Variants in CCSER1 observed in about 807,000 individuals in gnomAD.
CCSER1 encodes coiled-coil serine rich protein 1.
CCSER1 carries 41 observed loss-of-function variants against 82.0 expected under a neutral mutation model. That is an observed-to-expected ratio of 0.50 (90% CI 0.39 to 0.65). The LOEUF is 0.65. Among genes scored for constraint, CCSER1 ranks in the 30% least tolerant of loss-of-function variants. CCSER1 has a pLI of 0.00. For synonymous variants in CCSER1, 414 were observed against 383.9 expected (o/e 1.08, Z -0.92); for missense variants, 1,119 against 1,064.2 (o/e 1.05, Z -0.72).
intron 5 of CCSER1, among the ~76,000 whole-genome samples, chr4:90,533,445 A>AT (rs2153631791): frequency 6.6e-6 from 1 of 152,188 alleles, no homozygotes; most frequent in South Asian, 2.1e-4. Context: ...GCTTCCCATA[A>AT]TTCTCTGATC....
At chr4:91,328,035 A>G (rs957735429) in intron 10 of CCSER1, among the ~76,000 whole-genome samples, 1 of 152,190 alleles carries the variant, frequency 6.6e-6, no homozygotes, top group Non-Finnish European at 1.5e-5. Flanking sequence ...ACCATTCAAC[A>G]GGTCTCTAGA....
chr4:90,446,052 C>A (rs1017602399), intron 4 of CCSER1, among the ~76,000 whole-genome samples: 13 of 152,072 alleles, frequency 8.5e-5, no homozygotes, highest in African/African-American at 3.1e-4. Context: ...TGCTTTTCAC[C>A]AAACACTTCA....
intron 1 of CCSER1, among the ~76,000 whole-genome samples, chr4:90,233,639 A>C (rs912592615): frequency 6.6e-6 from 1 of 151,732 alleles, no homozygotes; most frequent in African/African-American, 2.4e-5. Flanking sequence ...TAAATTAAAA[A>C]AAAAAAACAA....
At chr4:90,649,963 T>C (rs1728413646) in intron 6 of CCSER1, among the ~76,000 whole-genome samples, 1 of 152,042 alleles carries the variant, frequency 6.6e-6, no homozygotes, top group Admixed American at 6.6e-5. Flanking sequence ...TAGCCTGTAA[T>C]CCCAGCACTT....
chr4:90,712,440 T>A (rs921808407), intron 6 of CCSER1, among the ~76,000 whole-genome samples: 5 of 152,126 alleles, frequency 3.3e-5, no homozygotes, highest in African/African-American at 1.2e-4. Context: ...AATTTTGATG[T>A]AATTGTATAG....
chr4:91,280,034 T>C (rs1249772129), intron 10 of CCSER1, among the ~76,000 whole-genome samples: 2 of 152,246 alleles, frequency 1.3e-5, no homozygotes, highest in African/African-American at 2.4e-5. Flanking sequence ...GTGTCTATGA[T>C]TTCCACACTG....
At chr4:90,506,962 G>A (rs1371237769) in intron 5 of CCSER1, among the ~76,000 whole-genome samples, 1 of 152,066 alleles carries the variant, frequency 6.6e-6, no homozygotes, top group Non-Finnish European at 1.5e-5. Flanking sequence ...AGATTTGGTT[G>A]ACGCACTCTC....
At chr4:91,455,519 C>G (rs995483024) in intron 10 of CCSER1, among the ~76,000 whole-genome samples, 1 of 152,014 alleles carries the variant, frequency 6.6e-6, no homozygotes, top group Non-Finnish European at 1.5e-5. Context: ...AGGAAACAGA[C>G]AGCAAGGCCT....
intron 10 of CCSER1, among the ~76,000 whole-genome samples, chr4:91,342,192 C>A (rs959522696): frequency 5.3e-5 from 8 of 152,134 alleles, no homozygotes; most frequent in Middle Eastern, 3.2e-3. Context: ...AATTATCATA[C>A]CCATTTCTAG....
In CCSER1 at chr4:90,178,370, A is replaced by AT. The variant is rs202015066; in HGVS notation, c.-42+50548dup. On this transcript the variant is annotated intron_variant, in intron 1 of 10. Transcript: ENST00000509176. ...ATGGAAACAATTTGTCTCTGATATA[A>AT]TTTTTTTTTCTATTTCTGTTACTCT... Among the ~76,000 whole-genome samples, 1,171 of 151,438 alleles carry AT rather than the reference A, an allele frequency of 7.7e-3. 13 individuals carry two copies. The highest frequency in any genetic ancestry group is 0.026 in the African/African-American group (1,069 of 41,288).
At chr4:91,520,347 G>A (rs1047582756) in intron 10 of CCSER1, among the ~76,000 whole-genome samples, 6 of 149,904 alleles carry the variant, frequency 4.0e-5, no homozygotes, top group Admixed American at 2.7e-4. Flanking sequence ...GGCCTTGAAC[G>A]TGTAGGCTCG....
At chr4:90,203,144 T>A (rs952562655) in intron 1 of CCSER1, among the ~76,000 whole-genome samples, 1 of 152,208 alleles carries the variant, frequency 6.6e-6, no homozygotes, top group Non-Finnish European at 1.5e-5. Context: ...TCATGATTTG[T>A]CACATGAGTC....
chr4:91,215,372 GAACT>G (rs1343372531), intron 10 of CCSER1, among the ~76,000 whole-genome samples: 1 of 152,126 alleles, frequency 6.6e-6, no homozygotes, highest in Non-Finnish European at 1.5e-5. Context: ...TAGAGGGACA[GAACT>G]AATAGGATAG....
chr4:90,278,598 A>G (rs1002455618), intron 1 of CCSER1, among the ~76,000 whole-genome samples: 1 of 151,978 alleles, frequency 6.6e-6, no homozygotes, highest in African/African-American at 2.4e-5. Context: ...ACTTCATGTT[A>G]TTACTTACCG....
At chr4:91,410,085 C>A (rs1335129881) in intron 10 of CCSER1, among the ~76,000 whole-genome samples, 1 of 152,170 alleles carries the variant, frequency 6.6e-6, no homozygotes, top group South Asian at 2.1e-4. Flanking sequence ...AAATGACCCA[C>A]CATTTTACTC....
At position 90,309,485 on chromosome 4, in the gene CCSER1, A is replaced by G. The variant is rs749910422; in HGVS notation, c.1201A>G (p.Lys401Glu). Reference sequence around the variant, plus strand: ...GAAACTTGGATTTTATGAGCAACATAAAGCAATAGCGGAACATGTAAAAGG... The same window carrying G: ...GAAACTTGGATTTTATGAGCAACATGAAGCAATAGCGGAACATGTAAAAGG... ...PRKLGFYEQH[K>E]AIAEHVKGIH... Residue 401 changes from lysine (K) to glutamate (E), a missense_variant, in exon 2 of 11, where the codon AAA becomes GAA. By Grantham distance (56) the Lys-to-Glu change is moderately conservative. Coordinates refer to ENST00000509176, the MANE Select transcript of CCSER1 (RefSeq NM_001145065.2). 2 of 1,613,884 alleles carry G rather than the reference A, an allele frequency of 1.2e-6. No individual in the cohort carries two copies. Among genetic ancestry groups the G allele is most frequent in the Admixed American group, 1.7e-5 (1 of 60,016 alleles).
chr4:90,581,806 T>G (rs1781440725), intron 5 of CCSER1, among the ~76,000 whole-genome samples: 1 of 152,072 alleles, frequency 6.6e-6, no homozygotes, highest in African/African-American at 2.4e-5. Context: ...TTGTTGTAAA[T>G]GAAGATGGAT....
At position 91,599,183 on chromosome 4, in the gene CCSER1, GTTT is replaced by G; in HGVS notation, c.*132_*134del. 8.3e-7 allele frequency: 1 copy of G among 1,208,746 alleles called. No homozygotes were observed. Among genetic ancestry groups the G allele is most frequent in the Non-Finnish European group, 1.1e-6 (1 of 905,662 alleles). 74.9% of individuals were successfully genotyped at this position (1,208,746 alleles called of 1,614,324 possible). A position where few individuals can be genotyped will look rare whatever the true frequency, so the allele number is the denominator to read the frequency against. On this transcript the variant is annotated 3_prime_UTR_variant, in exon 11 of 11. Coordinates refer to ENST00000509176, the MANE Select transcript of CCSER1 (RefSeq NM_001145065.2). ...GTTATAAACAGAGTTGTGTTGTTGG[GTTT>G]TTTTTCTTAGTCATAAACAAAGACT...
intron 10 of CCSER1, among the ~76,000 whole-genome samples, chr4:91,224,787 C>G (rs982657573): frequency 6.6e-6 from 1 of 151,890 alleles, no homozygotes; most frequent in African/African-American, 2.4e-5. Flanking sequence ...AAATTCCTAT[C>G]ATTTCTTCTC....
Sources: allele counts gnomAD v4.1 joint callset (sites outside exome capture counted in the v4.1 genomes callset), GRCh38; gene constraint gnomAD v4.1.1; transcripts MANE v1.5; gene names NCBI Gene and HGNC (gene_info 2026-07-23, HGNC 2026-07-21).